The following FOXP1 variants were observed in gnomAD, a reference collection of about 807,000 sequenced individuals.
The protein encoded by FOXP1 is forkhead box protein P1.
In FOXP1, 15 loss-of-function variants were observed where a neutral mutation model predicts 98.2. That is an observed-to-expected ratio of 0.15 (90% CI 0.10 to 0.24). FOXP1 has a LOEUF of 0.24. FOXP1 is among the 10% of genes least tolerant of loss of function. The probability of loss-of-function intolerance (pLI) is 1.00; values close to 1 mark genes in which losing one functional copy is unlikely to be tolerated. For missense variants in FOXP1, 633 were observed against 848.5 expected (o/e 0.75, Z 3.15); for synonymous variants, 371 against 314.5 (o/e 1.18, Z -1.90).
chr3:71,401,521 A>C (rs1045019436), intron 3 of FOXP1, among the ~76,000 whole-genome samples: 1 of 152,210 alleles, frequency 6.6e-6, no homozygotes, highest in African/African-American at 2.4e-5. Context: ...ATTCACTCAG[A>C]AATCCTTCCT....
intron 5 of FOXP1, among the ~76,000 whole-genome samples, chr3:71,201,330 A>G (rs2063658942): frequency 6.6e-6 from 1 of 152,248 alleles, no homozygotes; most frequent in Admixed American, 6.5e-5. Context: ...TCTCTTCCAC[A>G]AACTTGCCCC....
chr3:71,027,004 G>A (rs1244805254), intron 11 of FOXP1, among the ~76,000 whole-genome samples: 2 of 152,210 alleles, frequency 1.3e-5, no homozygotes, highest in African/African-American at 4.8e-5. Flanking sequence ...GCTATTCTGA[G>A]TTTGTAACTA....
chr3:71,111,784 A>C (rs1363551264), intron 7 of FOXP1, among the ~76,000 whole-genome samples: 3 of 152,200 alleles, frequency 2.0e-5, no homozygotes, highest in Admixed American at 1.3e-4. Context: ...AGTTGCTAGA[A>C]CAACCATTTT....
At chr3:70,992,371 G>A (rs988194590) in intron 13 of FOXP1, among the ~76,000 whole-genome samples, 4 of 152,050 alleles carry the variant, frequency 2.6e-5, no homozygotes, top group African/African-American at 9.7e-5. Context: ...AGTTACTTAG[G>A]CAGGGTATAT....
At chr3:71,365,972 A>C (rs1211068743) in intron 3 of FOXP1, among the ~76,000 whole-genome samples, 1 of 152,202 alleles carries the variant, frequency 6.6e-6, no homozygotes, top group Non-Finnish European at 1.5e-5. Context: ...ACTCCATTTT[A>C]AAAACAAAAC....
At chr3:71,144,992 TG>T (rs1456135581) in intron 6 of FOXP1, among the ~76,000 whole-genome samples, 1 of 152,200 alleles carries the variant, frequency 6.6e-6, no homozygotes, top group Non-Finnish European at 1.5e-5. Flanking sequence ...TTCTAAGCTG[TG>T]GGTCTGTTAA....
At chr3:71,099,302 G>A (rs2056752238) in intron 7 of FOXP1, among the ~76,000 whole-genome samples, 1 of 152,160 alleles carries the variant, frequency 6.6e-6, no homozygotes, top group Non-Finnish European at 1.5e-5. Context: ...TTTGAGGTCA[G>A]GAGTTTGAGA....
At position 71,217,610 on chromosome 3, in the gene FOXP1, G is replaced by T. The variant is rs544257020; in HGVS notation, c.-11-19218C>A. Among the ~76,000 whole-genome samples the T allele has an allele frequency of 1.1e-3, 162 of 152,162 alleles. 1 individual carries two copies. The highest frequency in any genetic ancestry group is 2.3e-3 in the Admixed American group (35 of 15,270). ...ATTTCAAGAGGCTGGGAGTGGAGAA[G>T]AGAGAGATGGGCTGGGGCAGGCAAG... On this transcript the variant is annotated intron_variant, in intron 5 of 20. Coordinates refer to ENST00000649528, the MANE Select transcript of FOXP1 (RefSeq NM_001349338.3).
In FOXP1 at chr3:70,957,397, T is replaced by C; in HGVS notation, c.*1850A>G. On this transcript the variant is annotated 3_prime_UTR_variant, in exon 21 of 21. Coordinates refer to ENST00000649528, the MANE Select transcript of FOXP1 (RefSeq NM_001349338.3). ...CTCTTTCTCAGGTTGCAATAGCCTA[T>C]CGCTTGTCATTTGCCTCTAAATTCT... is the stretch of plus-strand genomic sequence containing the variant. 4.4e-6 allele frequency: 1 copy of C among 229,650 alleles called. No homozygotes were observed. The highest frequency in any genetic ancestry group is 6.3e-5 in the East Asian group (1 of 15,890). The allele number at this position is 229,650 out of a possible 1,614,324, so 14.2% of individuals were successfully genotyped here. A position where few individuals can be genotyped will look rare whatever the true frequency, so the allele number is the denominator to read the frequency against.
At chr3:71,564,380 A>G (rs763887035) in intron 2 of FOXP1, among the ~76,000 whole-genome samples, 7 of 152,250 alleles carry the variant, frequency 4.6e-5, no homozygotes, top group Non-Finnish European at 1.0e-4. Flanking sequence ...CCTGTGTCAC[A>G]TTCCACATGG....
intron 2 of FOXP1, among the ~76,000 whole-genome samples, chr3:71,510,690 T>G (rs1295888735): frequency 6.6e-6 from 1 of 152,158 alleles, no homozygotes; most frequent in Non-Finnish European, 1.5e-5. Context: ...ACTGCAATGT[T>G]CAACTAAGCT....
chr3:71,267,118 GGA>G (rs112093872), intron 5 of FOXP1, among the ~76,000 whole-genome samples: 12 of 143,282 alleles, frequency 8.4e-5, no homozygotes, highest in Non-Finnish European at 1.4e-4. Flanking sequence ...GCATTTTATG[GGA>G]GAGAGTGTGT....
intron 3 of FOXP1, among the ~76,000 whole-genome samples, chr3:71,403,797 G>C (rs2082104051): frequency 6.6e-6 from 1 of 152,134 alleles, no homozygotes; most frequent in Admixed American, 6.5e-5. Context: ...GTTGTAGTGA[G>C]CCAAGATCGC....
intron 5 of FOXP1, among the ~76,000 whole-genome samples, chr3:71,298,785 G>C (rs551490703): frequency 6.6e-6 from 1 of 152,220 alleles, no homozygotes; most frequent in South Asian, 2.1e-4. Context: ...CCCCAGGTGA[G>C]ACTTATCAAA....
intron 3 of FOXP1, among the ~76,000 whole-genome samples, chr3:71,414,995 A>G (rs922952935): frequency 1.3e-5 from 2 of 152,206 alleles, no homozygotes; most frequent in Non-Finnish European, 2.9e-5. Flanking sequence ...AAAAATTAAG[A>G]CACACTCAAA....
intron 11 of FOXP1, among the ~76,000 whole-genome samples, chr3:71,018,927 T>C (rs967619054): frequency 2.6e-5 from 4 of 152,222 alleles, no homozygotes; most frequent in Admixed American, 2.0e-4. Context: ...TCAAGTGCTA[T>C]GCAGGACTTG....
intron 14 of FOXP1, among the ~76,000 whole-genome samples, chr3:70,979,962 T>C (rs767351332): frequency 6.6e-5 from 10 of 152,236 alleles, no homozygotes; most frequent in Non-Finnish European, 1.5e-4. Context: ...CTTTCCTTTT[T>C]ATTTTCAGCG....
At chr3:71,473,231 A>T (rs9681728) in intron 3 of FOXP1, among the ~76,000 whole-genome samples, 19 of 152,030 alleles carry the variant, frequency 1.2e-4, no homozygotes, top group Non-Finnish European at 2.2e-4. Context: ...TAATTTACCT[A>T]GGTACATACA....
chr3:71,527,503 C>G (rs1203684668), intron 2 of FOXP1, among the ~76,000 whole-genome samples: 10 of 152,152 alleles, frequency 6.6e-5, no homozygotes, highest in Non-Finnish European at 1.3e-4. Flanking sequence ...CGATCTCTCA[C>G]CCAAAAAGCT....
Sources: gnomAD v4.1 joint callset for allele counts (sites outside exome capture counted in the v4.1 genomes callset) on GRCh38, gnomAD v4.1.1 for gene constraint, MANE v1.5 for transcripts, NCBI Gene and HGNC (gene_info 2026-07-23, HGNC 2026-07-21) for gene names.